EVC: variants seen among roughly 807,000 people sequenced by gnomAD.
EVC encodes the protein evC complex member EVC.
In EVC, 116 loss-of-function variants were observed where a neutral mutation model predicts 118.9. The observed-to-expected ratio is 0.98, with a 90% CI of 0.84 to 1.14. The LOEUF is 1.14. Among genes scored for constraint, EVC ranks in the 50% most tolerant of loss-of-function variants. The probability of loss-of-function intolerance (pLI) is 0.00; values close to 1 mark genes in which losing one functional copy is unlikely to be tolerated. For missense variants in EVC, 1,401 were observed against 1,246.4 expected, an observed-to-expected ratio of 1.12 and a Z score of -1.87; for synonymous variants, 619 against 534.7, an observed-to-expected ratio of 1.16 and a Z score of -2.18.
At chr4:5,718,965 C>G (rs988007707) in intron 1 of EVC, among the ~76,000 whole-genome samples, 1 of 152,204 alleles carries the variant, frequency 6.6e-6, no homozygotes, top group Non-Finnish European at 1.5e-5. Context: ...CTTTGCTCTG[C>G]CTCTTGCCTC....
intron 13 of EVC, 85 bp from the exon 14 acceptor site, chr4:5,796,937 G>T (rs561005079): frequency 1.9e-6 from 2 of 1,028,740 alleles, no homozygotes; most frequent in African/African-American, 1.6e-5. Flanking sequence ...GGGGCCTCTT[G>T]TGGGCTGTGG....
downstream of EVC, among the ~76,000 whole-genome samples, chr4:5,818,180 C>A (rs900215762): frequency 6.6e-6 from 1 of 151,944 alleles, no homozygotes; most frequent in African/African-American, 2.4e-5. Flanking sequence ...TCACTTGGTT[C>A]TCATTCTCTC....
intron 13 of EVC, among the ~76,000 whole-genome samples, chr4:5,794,736 T>C (rs1019869996): frequency 5.9e-5 from 9 of 152,116 alleles, no homozygotes; most frequent in Non-Finnish European, 1.2e-4. Flanking sequence ...GATATAGCTA[T>C]TTTTTAGTTT....
In EVC at chr4:5,719,332, AAG is replaced by A; in HGVS notation, c.265_266del (p.Glu89SerfsTer11). ...SETGSPSRRR[K>X]REVQMSKDKE... The stretch of plus-strand genomic sequence containing the variant: ...AACTGGCTCCCCATCAAGGAGGAGG[AAG>A]AGAGAAGTGCAGATGTCGAAGGACA... On this transcript the variant is annotated frameshift_variant, in exon 2 of 21. Transcript: ENST00000264956. LOFTEE classifies it high-confidence loss of function. This position sits in a 1 kb window ranked among gnomAD's most constrained non-coding sequence, Gnocchi z 4.7. The A allele has an allele frequency of 1.9e-6, 3 of 1,614,156 alleles. No homozygotes were observed. Among genetic ancestry groups the A allele is most frequent in the Non-Finnish European group, 2.5e-6 (3 of 1,180,034 alleles).
intron 18 of EVC, among the ~76,000 whole-genome samples, 176 bp from the exon 19 acceptor site, chr4:5,809,342 C>G (rs762017733): frequency 5.9e-5 from 9 of 152,148 alleles, no homozygotes; most frequent in Non-Finnish European, 1.2e-4. Flanking sequence ...CTGGTAGATG[C>G]CAGTGTGTCC....
chr4:5,810,861 G>T, intron 20 of EVC, 92 bp from the exon 21 acceptor site: 1 of 1,225,508 alleles, frequency 8.2e-7, no homozygotes, highest in Non-Finnish European at 1.2e-6. Flanking sequence ...ACCTTTGGCT[G>T]CATTTTCATT....
intron 2 of EVC, among the ~76,000 whole-genome samples, chr4:5,722,304 A>C (rs978613454): frequency 8.5e-5 from 13 of 152,286 alleles, no homozygotes; most frequent in African/African-American, 3.1e-4. Flanking sequence ...TTTTCTGCCT[A>C]GTAATGTCTT....
At chr4:5,799,910 T>C (rs1249636107) in intron 15 of EVC, among the ~76,000 whole-genome samples, 1 of 152,220 alleles carries the variant, frequency 6.6e-6, no homozygotes, top group African/African-American at 2.4e-5. Context: ...ACTGTCCACA[T>C]GTTACCTAAC....
At chr4:5,735,104 C>T (rs1416044568) in intron 5 of EVC, among the ~76,000 whole-genome samples, 4 of 152,220 alleles carry the variant, frequency 2.6e-5, no homozygotes, top group Admixed American at 2.0e-4. Context: ...CTGCCAGGCA[C>T]TGTGTCAGAC....
At chr4:5,817,721 G>T (rs1717924309), downstream of EVC, among the ~76,000 whole-genome samples, 1 of 152,130 alleles carries the variant, frequency 6.6e-6, no homozygotes, top group Non-Finnish European at 1.5e-5. Context: ...ACAGAGGAGG[G>T]TTACGCACTT....
chr4:5,748,839 A>C (rs1577423037), intron 8 of EVC, among the ~76,000 whole-genome samples: 1 of 152,202 alleles, frequency 6.6e-6, no homozygotes, highest in South Asian at 2.1e-4. Flanking sequence ...TGGCCAGCTC[A>C]GTATTACTGG....
chr4:5,752,176 G>A (rs1181222999), intron 8 of EVC, among the ~76,000 whole-genome samples: 1 of 152,072 alleles, frequency 6.6e-6, no homozygotes, highest in Admixed American at 6.5e-5. Context: ...AGATGCCAAC[G>A]TCCGCCGTCC....
chr4:5,751,049 C>T (rs938695121), intron 8 of EVC, among the ~76,000 whole-genome samples: 8 of 152,032 alleles, frequency 5.3e-5, no homozygotes, highest in Non-Finnish European at 1.2e-4. Context: ...TTGAGACTCA[C>T]AGGAAAAAAA....
At chr4:5,757,332 C>T (rs111229831) in intron 11 of EVC, among the ~76,000 whole-genome samples, 10,072 of 152,192 alleles carry the variant, frequency 0.066, 1,115 homozygotes, top group African/African-American at 0.23. Flanking sequence ...AGACCAGGCC[C>T]AAGTGGACAA....
At chr4:5,824,231 G>A in the EVC span, 5 of 937,526 alleles carry the variant, frequency 5.3e-6, no homozygotes, top group Non-Finnish European at 6.4e-6. Flanking sequence ...GTTGCACCCA[G>A]ATAGCTTTTT....
intron 11 of EVC, among the ~76,000 whole-genome samples, chr4:5,761,133 T>A (rs1731943571): frequency 6.6e-6 from 1 of 152,096 alleles, no homozygotes; most frequent in Admixed American, 6.5e-5. Context: ...CTGGTTTCCT[T>A]CTCTGTGCAA....
At chr4:5,741,939 A>C (rs1728655207) in intron 6 of EVC, 125 bp downstream of exon 6, 1 of 543,970 alleles carries the variant, frequency 1.8e-6, no homozygotes, top group East Asian at 3.1e-5. Context: ...ACTTTTCAAC[A>C]CAGTATAGTG....
the EVC span, chr4:5,828,773 G>GTTT: frequency 2.3e-6 from 3 of 1,295,710 alleles, no homozygotes; most frequent in Non-Finnish European, 3.1e-6. Flanking sequence ...GTGTTCCAAT[G>GTTT]TTTTTTTTTC....
chr4:5,792,488 GACAA>G (rs940540898), intron 12 of EVC, among the ~76,000 whole-genome samples: 158 of 152,256 alleles, frequency 1.0e-3, no homozygotes, highest in African/African-American at 3.5e-3. Context: ...AGACTTGAAA[GACAA>G]ACAAATTGAA....
Sources: gnomAD v4.1 joint callset for allele counts (sites outside exome capture counted in the v4.1 genomes callset) on GRCh38, gnomAD v4.1.1 for gene constraint, Gnocchi (gnomAD v3.1) non-coding constraint, MANE v1.5 for transcripts, NCBI Gene and HGNC (gene_info 2026-07-23, HGNC 2026-07-21) for gene names.